SYT16: variants seen among roughly 807,000 people sequenced by gnomAD.
SYT16 encodes the protein synaptotagmin-16.
Under a neutral mutation model 61.4 loss-of-function variants are expected in SYT16, and 42 were observed. That is an observed-to-expected ratio of 0.68 (90% confidence interval 0.53 to 0.89). The LOEUF (loss-of-function observed/expected upper bound fraction) is 0.89. Among genes scored for constraint, SYT16 ranks in the 40% least tolerant of loss-of-function variants. The pLI, the probability that SYT16 is intolerant of heterozygous loss-of-function variation, is 0.00. For missense variants in SYT16, 804 were observed against 807.3 expected (o/e 1.00, Z 0.05); for synonymous variants, 314 against 302.3 (o/e 1.04, Z -0.40).
intron 3 of SYT16, among the ~76,000 whole-genome samples, chr14:62,024,068 T>G (rs1230594512): frequency 6.6e-6 from 1 of 152,142 alleles, no homozygotes; most frequent in Admixed American, 6.6e-5. Flanking sequence ...CCTGTTACCC[T>G]TTTACAAATA....
chr14:62,099,580 C>T (rs1233345374), intron 7 of SYT16, among the ~76,000 whole-genome samples: 2 of 152,106 alleles, frequency 1.3e-5, no homozygotes, highest in Non-Finnish European at 2.9e-5. Context: ...TAGTATTCAG[C>T]TGGATCTCGA....
At chr14:61,970,864 G>A (rs1294537328) in intron 2 of SYT16, among the ~76,000 whole-genome samples, 1 of 151,930 alleles carries the variant, frequency 6.6e-6, no homozygotes, top group Non-Finnish European at 1.5e-5. Flanking sequence ...TCTTACAGAG[G>A]GATGGTTATC....
intron 3 of SYT16, among the ~76,000 whole-genome samples, chr14:62,040,441 A>G (rs186306733): frequency 4.6e-5 from 7 of 152,336 alleles, no homozygotes; most frequent in Middle Eastern, 3.4e-3. Context: ...CCACATAGTG[A>G]TTTCAGGTGC....
chr14:61,840,411 C>T (rs181959869), intron 1 of SYT16, among the ~76,000 whole-genome samples: 5 of 152,008 alleles, frequency 3.3e-5, no homozygotes, highest in Non-Finnish European at 4.4e-5. Context: ...TAAGGAGAAA[C>T]GTTAAGGTGA....
intron 1 of SYT16, among the ~76,000 whole-genome samples, chr14:61,933,922 T>C (rs3910658): frequency 0.15 from 22,970 of 152,216 alleles, 2,650 homozygotes; most frequent in African/African-American, 0.32. Context: ...TGTATGTGTA[T>C]ATATACATAT....
chr14:61,876,538 G>A (rs1317162556), intron 1 of SYT16, among the ~76,000 whole-genome samples: 2 of 152,220 alleles, frequency 1.3e-5, no homozygotes, highest in African/African-American at 4.8e-5. Flanking sequence ...AGCATGCGCT[G>A]TGTCATATTT....
intron 2 of SYT16, 73 bp from the exon 3 acceptor site, chr14:61,995,803 G>C (rs1199064084): frequency 1.4e-5 from 6 of 419,084 alleles, no homozygotes; most frequent in South Asian, 9.6e-5. Context: ...GTTTGACATC[G>C]TCTGTAGGTA....
intron 3 of SYT16, among the ~76,000 whole-genome samples, chr14:62,052,103 G>A (rs1293352243): frequency 6.6e-6 from 1 of 151,984 alleles, no homozygotes; most frequent in Non-Finnish European, 1.5e-5. Context: ...GTTCTTCCTT[G>A]TATTTTGCTT....
At chr14:61,990,007 A>AGGGACATGTCTTCAGTAAGCTAG (rs2052479738) in intron 2 of SYT16, among the ~76,000 whole-genome samples, 1 of 152,176 alleles carries the variant, frequency 6.6e-6, no homozygotes, top group Non-Finnish European at 1.5e-5. Context: ...TTGAGATGCC[A>AGGGACATGTCTTCAGTAAGCTAG]ACGTTTAGAA....
rs140515959 is a variant in SYT16 at position 62,005,060 on chromosome 14, G to A, written c.523+8518G>A. Among the ~76,000 whole-genome samples the A allele has an allele frequency of 7.5e-4, 115 of 152,336 alleles. 2 individuals are homozygous for A. The highest frequency in any genetic ancestry group is 2.7e-3 in the African/African-American group (114 of 41,586). ...TCTGGCATCAGGGATAGAAGTTCCA[G>A]TTCCTAGCTTGGCCTTGTCTGGCAT... On this transcript the variant is annotated intron_variant, in intron 3 of 7. Transcript: ENST00000683842.
At chr14:61,998,852 A>G (rs1165239504) in intron 3 of SYT16, among the ~76,000 whole-genome samples, 1 of 151,788 alleles carries the variant, frequency 6.6e-6, no homozygotes, top group Non-Finnish European at 1.5e-5. Context: ...GCTTCCTGAG[A>G]GTTTTATCAA....
At chr14:61,812,648 C>T (rs1204419153), upstream of SYT16, 1 of 146,262 alleles carries the variant, frequency 6.8e-6, no homozygotes, top group Non-Finnish European at 1.5e-5. Flanking sequence ...CGGCGCGGGG[C>T]GGCGCGGCGC....
At chr14:62,040,802 C>T (rs1027441554) in intron 3 of SYT16, among the ~76,000 whole-genome samples, 2 of 152,118 alleles carry the variant, frequency 1.3e-5, no homozygotes, top group Non-Finnish European at 2.9e-5. Context: ...GTCCCATATA[C>T]TCTTACCTCT....
At chr14:62,086,245 G>A (rs72720804) in intron 7 of SYT16, among the ~76,000 whole-genome samples, 21,826 of 152,122 alleles carry the variant, frequency 0.14, 1,709 homozygotes, top group South Asian at 0.22. Flanking sequence ...TTGGGAGGCC[G>A]AGGTGAATGG....
At chr14:62,083,569 A>C (rs959555191) in intron 6 of SYT16, among the ~76,000 whole-genome samples, 7 of 152,188 alleles carry the variant, frequency 4.6e-5, no homozygotes, top group Admixed American at 6.5e-5. Context: ...TGAGACCCAC[A>C]ACCCATGTGT....
intron 3 of SYT16, among the ~76,000 whole-genome samples, chr14:62,010,319 A>G (rs1355684242): frequency 6.6e-6 from 1 of 152,192 alleles, no homozygotes; most frequent in African/African-American, 2.4e-5. Flanking sequence ...AGGGGATACA[A>G]ATTAATTAGA....
intron 1 of SYT16, among the ~76,000 whole-genome samples, chr14:61,967,405 A>G (rs1312816668): frequency 2.0e-5 from 3 of 152,196 alleles, no homozygotes; most frequent in Non-Finnish European, 4.4e-5. Flanking sequence ...GTGACTTAAG[A>G]CAACAGAAAT....
Position 61,995,740 on chromosome 14 carries a change from T to C in SYT16, c.-144-136T>C, listed in dbSNP as rs114880258. 5.2e-3 allele frequency: 1,705 copies of C among 329,272 alleles called. 27 individuals carry two copies. Among genetic ancestry groups the C allele is most frequent in the African/African-American group, 0.034 (1,607 of 46,908 alleles). The allele number at this position is 329,272 out of a possible 1,614,324, so 20.4% of individuals were successfully genotyped here. ...TACATCTAGACTTTCACAGTCATTT[T>C]TATGTAACTATTTTAAGATTTTCCT... On this transcript the variant is annotated intron_variant, in intron 2 of 7. Coordinates refer to ENST00000683842, the MANE Select transcript of SYT16 (RefSeq NM_001367656.1).
At chr14:61,822,485 A>G (rs553565077) in intron 1 of SYT16, among the ~76,000 whole-genome samples, 62 of 152,314 alleles carry the variant, frequency 4.1e-4, no homozygotes, top group Admixed American at 1.1e-3. Flanking sequence ...GCATCCTTCA[A>G]TCCAGTCAAG....
Sources: gnomAD v4.1 joint callset for allele counts (sites outside exome capture counted in the v4.1 genomes callset) on GRCh38, gnomAD v4.1.1 for gene constraint, MANE v1.5 for transcripts, NCBI Gene and HGNC (gene_info 2026-07-23, HGNC 2026-07-21) for gene names.